KCTD8: variants seen among roughly 807,000 people sequenced by gnomAD.
KCTD8 encodes the protein potassium channel tetramerization domain containing 8, also known as BTB/POZ domain-containing protein KCTD8.
In KCTD8, 27 loss-of-function variants were observed where a neutral mutation model predicts 31.5. The ratio of observed to expected loss-of-function variants is 0.86; its 90% CI spans 0.63 to 1.18. The LOEUF (loss-of-function observed/expected upper bound fraction) is 1.18. Among genes scored for constraint, KCTD8 ranks in the 50% most tolerant of loss-of-function variants. The pLI is 0.00. For synonymous variants in KCTD8, 290 were observed against 280.0 expected (o/e 1.04, Z -0.36); for missense variants, 658 against 647.7 (o/e 1.02, Z -0.17).
At chr4:44,390,084 G>T (rs991677796) in intron 1 of KCTD8, among the ~76,000 whole-genome samples, 2 of 152,000 alleles carry the variant, frequency 1.3e-5, no homozygotes, top group Non-Finnish European at 2.9e-5. Flanking sequence ...AAATCTGTGG[G>T]TTGTCTGTTA....
intron 1 of KCTD8, among the ~76,000 whole-genome samples, chr4:44,427,575 T>G (rs1273987006): frequency 6.6e-6 from 1 of 151,548 alleles, no homozygotes; most frequent in Non-Finnish European, 1.5e-5. Flanking sequence ...AATAACCAAA[T>G]AACCATCTAC....
intron 1 of KCTD8, among the ~76,000 whole-genome samples, chr4:44,314,632 A>G (rs1361914760): frequency 2.0e-5 from 3 of 152,128 alleles, no homozygotes; most frequent in Non-Finnish European, 4.4e-5. Context: ...GACATTTTCT[A>G]TGCATATATA....
At chr4:44,313,551 G>T (rs1696034617) in intron 1 of KCTD8, among the ~76,000 whole-genome samples, 1 of 152,168 alleles carries the variant, frequency 6.6e-6, no homozygotes. Context: ...GATTAGCAAT[G>T]AGTAGATTTG....
At position 44,304,979 on chromosome 4, in the gene KCTD8, A is replaced by T. The variant is rs1311121090; in HGVS notation, c.962-129729T>A. On this transcript the variant is annotated intron_variant, in intron 1 of 1. Transcript: ENST00000360029. ...TGTCTAGAAAAAAAAAAAGTCCAGA[A>T]CCAAAATCCTGGAATCAACAGCAAA... Among the ~76,000 whole-genome samples, 3 of 151,992 alleles carry T rather than the reference A, an allele frequency of 2.0e-5. No homozygotes were observed. The East Asian group carries it at 5.8e-4, about 29-fold the overall frequency.
intron 1 of KCTD8, among the ~76,000 whole-genome samples, chr4:44,357,353 C>G (rs1003716803): frequency 6.6e-6 from 1 of 152,114 alleles, no homozygotes; most frequent in African/African-American, 2.4e-5. Flanking sequence ...AAACCACTGG[C>G]ATCAAAAGAA....
Position 44,447,628 on chromosome 4 carries a change from G to C in KCTD8, c.896C>G (p.Ala299Gly). Residue 299 changes from alanine (A) to glycine (G), a missense_variant, in exon 1 of 2, where the codon GCC becomes GGC. Coordinates refer to ENST00000360029, the MANE Select transcript of KCTD8 (RefSeq NM_198353.3). ...GTCGCGGTACTGGTTGACGAAGGCG[G>C]CGGTGCCCGAGGAGTTACACGCCAC... ...HMVACNSSGTAAFVNQYRDDK... is the reference protein window; with the variant it reads ...HMVACNSSGTGAFVNQYRDDK... 1 of 1,607,284 alleles carries C rather than the reference G, an allele frequency of 6.2e-7. No homozygotes were observed. The highest frequency in any genetic ancestry group is 8.5e-7 in the Non-Finnish European group (1 of 1,177,222).
At chr4:44,271,589 G>A (rs1455900922) in intron 1 of KCTD8, among the ~76,000 whole-genome samples, 1 of 152,108 alleles carries the variant, frequency 6.6e-6, no homozygotes, top group East Asian at 1.9e-4. Flanking sequence ...AAGGTTGTGG[G>A]TTTACAGGAA....
At position 44,448,549 on chromosome 4, in the gene KCTD8, C is replaced by A; in HGVS notation, c.-26G>T. On this transcript the variant is annotated 5_prime_UTR_variant, in exon 1 of 2. Transcript: ENST00000360029. The surrounding 1 kb of genome is among the most constrained non-coding windows in gnomAD (Gnocchi z 4.1). ...AGTCCCCCCGCCGCCGGCCCAGTGA[C>A]CCGAGAGAGCTGCACTTTCTCGTTC... is the stretch of plus-strand genomic sequence containing the variant. The A allele has an allele frequency of 6.9e-7, 1 of 1,444,050 alleles. No homozygotes were observed. The allele number at this position is 1,444,050 out of a possible 1,614,324, so 89.5% of individuals were successfully genotyped here. A position where few individuals can be genotyped will look rare whatever the true frequency, so the allele number is the denominator to read the frequency against.
At chr4:44,347,886 G>T (rs1236405876) in intron 1 of KCTD8, among the ~76,000 whole-genome samples, 2 of 151,996 alleles carry the variant, frequency 1.3e-5, no homozygotes, top group African/African-American at 2.4e-5. Flanking sequence ...ACATTTATAG[G>T]GAAAAAATGT....
At chr4:44,371,859 T>G (rs1719795350) in intron 1 of KCTD8, among the ~76,000 whole-genome samples, 1 of 152,182 alleles carries the variant, frequency 6.6e-6, no homozygotes, top group Admixed American at 6.5e-5. Context: ...TTCTTATTTT[T>G]TATTAAGGTT....
At chr4:44,342,131 G>C (rs1157003549) in intron 1 of KCTD8, among the ~76,000 whole-genome samples, 1 of 152,092 alleles carries the variant, frequency 6.6e-6, no homozygotes, top group Non-Finnish European at 1.5e-5. Flanking sequence ...CAGCATTTTG[G>C]GAGGCCAAGG....
At chr4:44,183,079 C>G (rs1225906462) in intron 1 of KCTD8, among the ~76,000 whole-genome samples, 1 of 152,194 alleles carries the variant, frequency 6.6e-6, no homozygotes, top group Non-Finnish European at 1.5e-5. Flanking sequence ...TGTTTCCACA[C>G]TGATTCTGGG....
intron 1 of KCTD8, among the ~76,000 whole-genome samples, chr4:44,310,344 T>A (rs1327795162): frequency 6.6e-6 from 1 of 152,086 alleles, no homozygotes; most frequent in Admixed American, 6.6e-5. Flanking sequence ...TATAATTAAG[T>A]GTTGAATTCA....
chr4:44,197,544 A>G (rs1410460936), intron 1 of KCTD8, among the ~76,000 whole-genome samples: 1 of 152,206 alleles, frequency 6.6e-6, no homozygotes, highest in Non-Finnish European at 1.5e-5. Context: ...AGCTCAAATT[A>G]GAAAACCAAT....
intron 1 of KCTD8, among the ~76,000 whole-genome samples, chr4:44,283,005 T>C (rs910365635): frequency 2.0e-5 from 3 of 150,222 alleles, no homozygotes. Context: ...TTGAGGAAAG[T>C]GGCTACAAAA....
At chr4:44,387,501 T>C (rs1000865053) in intron 1 of KCTD8, among the ~76,000 whole-genome samples, 1 of 151,840 alleles carries the variant, frequency 6.6e-6, no homozygotes, top group African/African-American at 2.4e-5. Flanking sequence ...CAGAACAACA[T>C]AGCACTGGTA....
rs553744783 is a variant in KCTD8 at position 44,261,401 on chromosome 4, C to T, written c.962-86151G>A. Reference sequence around the variant, plus strand: ...TCAGAGTATATATGTTATATAACCTCATGGGGATAGATTTGGTCACCTAGG... The same window carrying T: ...TCAGAGTATATATGTTATATAACCTTATGGGGATAGATTTGGTCACCTAGG... On this transcript the variant is annotated intron_variant, in intron 1 of 1. Transcript: ENST00000360029. Among the ~76,000 whole-genome samples, 3 of 151,992 alleles carry T rather than the reference C, an allele frequency of 2.0e-5. No homozygotes were observed. In the East Asian group the frequency reaches 5.8e-4, roughly 29 times the overall value.
At chr4:44,443,223 T>G (rs1480810806) in intron 1 of KCTD8, among the ~76,000 whole-genome samples, 1 of 152,184 alleles carries the variant, frequency 6.6e-6, no homozygotes, top group African/African-American at 2.4e-5. Flanking sequence ...TAAAAATAAG[T>G]AGTAACTCGG....
chr4:44,384,201 T>C (rs1276923243), intron 1 of KCTD8, among the ~76,000 whole-genome samples: 3 of 151,890 alleles, frequency 2.0e-5, no homozygotes, highest in Non-Finnish European at 4.4e-5. Flanking sequence ...AGAGAACTCT[T>C]ATACATTGTT....
Sources: gnomAD v4.1 joint callset for allele counts (sites outside exome capture counted in the v4.1 genomes callset) on GRCh38, gnomAD v4.1.1 for gene constraint, Gnocchi (gnomAD v3.1) non-coding constraint, MANE v1.5 for transcripts, NCBI Gene and HGNC (gene_info 2026-07-23, HGNC 2026-07-21) for gene names.